Variants in ZBTB4 observed in about 807,000 individuals in gnomAD.
The protein encoded by ZBTB4 is zinc finger and BTB domain-containing protein 4.
Under a neutral mutation model 59.8 loss-of-function variants are expected in ZBTB4, and 14 were observed. The ratio of observed to expected loss-of-function variants is 0.23; its 90% CI spans 0.15 to 0.37. The LOEUF (loss-of-function observed/expected upper bound fraction) is 0.37. Among genes scored for constraint, ZBTB4 ranks in the 10% least tolerant of loss-of-function variants. The pLI is 1.00. For missense variants in ZBTB4, 1,198 were observed against 1,380.8 expected, an observed-to-expected ratio of 0.87 and a Z score of 2.10; for synonymous variants, 587 against 575.2, an observed-to-expected ratio of 1.02 and a Z score of -0.29.
chr17:7,473,258 A>G (rs367646734), intron 1 of ZBTB4, among the ~76,000 whole-genome samples: 17 of 151,386 alleles, frequency 1.1e-4, no homozygotes, highest in African/African-American at 3.9e-4. Context: ...GACTACAGGC[A>G]CCCACCACCA....
intron 1 of ZBTB4, among the ~76,000 whole-genome samples, chr17:7,473,073 A>C (rs867443961): frequency 2.9e-4 from 40 of 139,532 alleles, no homozygotes; most frequent in African/African-American, 1.0e-3. Context: ...TCCTGCCTCA[A>C]CCTCACGAGT....
chr17:7,468,182 C>A (rs747534056), intron 1 of ZBTB4, among the ~76,000 whole-genome samples: 2 of 152,190 alleles, frequency 1.3e-5, no homozygotes, highest in African/African-American at 2.4e-5. Context: ...ACCAGCCTGA[C>A]CAACATGGTG....
upstream of ZBTB4, chr17:7,482,423 C>T: frequency 6.2e-7 from 1 of 1,614,034 alleles, no homozygotes. Context: ...CGTCCTCACC[C>T]TCTGCCTTGA....
At chr17:7,467,227 C>T (rs1036700971) in intron 2 of ZBTB4, 30 bp downstream of exon 2, 7 of 1,009,450 alleles carry the variant, frequency 6.9e-6, no homozygotes, top group Non-Finnish European at 8.3e-6. Flanking sequence ...CTACTTTGTC[C>T]TCACTGTAGG....
At position 7,466,258 on chromosome 17, in the gene ZBTB4, C is replaced by T. The variant is rs371989635; in HGVS notation, c.544G>A (p.Gly182Ser). 17 of 1,613,074 alleles carry T rather than the reference C, an allele frequency of 1.1e-5. No homozygotes were observed. In the African/African-American group the frequency reaches 2.1e-4, roughly 20 times the overall value. Residue 182 changes from glycine to serine, a missense_variant, in exon 3 of 4, where the codon GGT becomes AGT. By Grantham distance (56) the Gly-to-Ser change is moderately conservative. Transcript: ENST00000380599. The surrounding 1 kb of genome is among the most constrained non-coding windows in gnomAD (Gnocchi z 9.1). ...GGGGTAGGAGGTACCCAGGCATCACCTCCCTCCCCCAGGCCCTGAAGGCGG... is the reference window on the plus strand; with the variant it reads ...GGGGTAGGAGGTACCCAGGCATCACTTCCCTCCCCCAGGCCCTGAAGGCGG... ...ISRLQGLGEGGDAWVPPTPAP... is the reference protein window; with the variant it reads ...ISRLQGLGEGSDAWVPPTPAP...
chr17:7,475,267 G>C (rs1166533875), intron 1 of ZBTB4, among the ~76,000 whole-genome samples: 1 of 151,762 alleles, frequency 6.6e-6, no homozygotes, highest in Non-Finnish European at 1.5e-5. Flanking sequence ...CCTGAACCCG[G>C]AAGGCGGAGG....
chr17:7,483,533 T>C (rs2070374823), upstream of ZBTB4: 1 of 185,534 alleles, frequency 5.4e-6, no homozygotes, highest in Admixed American at 5.4e-5. Context: ...GGAGGGAGAG[T>C]GGAAAGTCCT....
chr17:7,482,096 A>C, upstream of ZBTB4: 1 of 1,614,116 alleles, frequency 6.2e-7, no homozygotes, highest in African/African-American at 1.3e-5. Context: ...TGATGCCACC[A>C]ATGGCCTGCT....
rs764117868 is a variant in ZBTB4, at chr17:7,462,872, G to T, written c.2110C>A (p.Arg704=). The change falls in exon 4 of 4, where the codon CGG becomes AGG. Residue 704 remains arginine (R), a synonymous_variant. Coordinates refer to ENST00000380599, the MANE Select transcript of ZBTB4 (RefSeq NM_001128833.2). This position sits in a 1 kb window ranked among gnomAD's most constrained non-coding sequence, Gnocchi z 7.5. ...GCTGGGGTTTCCTCCCAGCTCCTCC[G>T]TTCCAGCTTCTGCCTCCAACGTGGT... ...RPPRWRQKLE[R]RSWEETPAAE... The T allele has an allele frequency of 1.2e-6, 2 of 1,606,514 alleles. No homozygotes were observed. The highest frequency in any genetic ancestry group is 4.5e-5 in the East Asian group (2 of 44,878).
At position 7,463,026 on chromosome 17, in the gene ZBTB4, CTCA is replaced by C. The variant is rs753552629; in HGVS notation, c.1953_1955del (p.Asp651del). 365 of 1,604,128 alleles carry C rather than the reference CTCA, an allele frequency of 2.3e-4. 3 individuals carry two copies. The highest frequency in any genetic ancestry group is 1.9e-3 in the Admixed American group (107 of 57,328). On this transcript the variant is annotated inframe_deletion, in exon 4 of 4. Transcript: ENST00000380599. ...CCTCCCCACCAGCCTTTGATTCCTC[CTCA>C]TCCTCCTCCTCCTCCTCTTCGTCCT... is the stretch of plus-strand genomic sequence containing the variant.
At chr17:7,476,045 T>A (rs1189301326) in intron 1 of ZBTB4, among the ~76,000 whole-genome samples, 1 of 152,242 alleles carries the variant, frequency 6.6e-6, no homozygotes, top group Non-Finnish European at 1.5e-5. Flanking sequence ...GCCGCCGAGC[T>A]TGGGAATGGC....
At chr17:7,481,980 C>T (rs2070350180), upstream of ZBTB4, 1 of 1,580,858 alleles carries the variant, frequency 6.3e-7, no homozygotes, top group African/African-American at 1.4e-5. Flanking sequence ...CTCCTTTCTC[C>T]CTAACAGGCT....
Position 7,466,517 on chromosome 17 carries a change from G to A in ZBTB4, c.285C>T (p.Ser95=), listed in dbSNP as rs1462909831. Residue 95 remains serine, a synonymous_variant, in exon 3 of 4, where the codon TCC becomes TCT. Transcript: ENST00000380599. This position sits in a 1 kb window ranked among gnomAD's most constrained non-coding sequence, Gnocchi z 9.1. ...SSSSSSSSSS[S]SSSSSASSSS... is the part of the protein sequence containing the mutation. ...AAGAAGAAGCAGAGGAGGAAGAAGA[G>A]GAAGAAGACGAGGAAGAGGAGGAGG... The A allele has an allele frequency of 6.2e-7, 1 of 1,610,702 alleles. No individual in the cohort carries two copies. The highest frequency in any genetic ancestry group is 8.5e-7 in the Non-Finnish European group (1 of 1,178,630).
In ZBTB4 at chr17:7,459,431, C is replaced by T. The variant is rs753161493; in HGVS notation, c.*2509G>A. 5.2e-5 allele frequency: 8 copies of T among 152,590 alleles called. No homozygotes were observed. In the East Asian group the frequency reaches 7.7e-4, roughly 15 times the overall value. The allele number at this position is 152,590 out of a possible 1,614,324, so 9.5% of individuals were successfully genotyped here. A position where few individuals can be genotyped will look rare whatever the true frequency, so the allele number is the denominator to read the frequency against. On this transcript the variant is annotated 3_prime_UTR_variant, in exon 4 of 4. Coordinates refer to ENST00000380599, the MANE Select transcript of ZBTB4 (RefSeq NM_001128833.2). Reference sequence around the variant, plus strand: ...ACAGAGTTGGACACACACACAAATGCGGAGATAAATATTGGTCAGTTTCTC... The same window carrying T: ...ACAGAGTTGGACACACACACAAATGTGGAGATAAATATTGGTCAGTTTCTC...
chr17:7,469,253 G>A (rs1326635672), intron 1 of ZBTB4, among the ~76,000 whole-genome samples: 1 of 152,226 alleles, frequency 6.6e-6, no homozygotes, highest in South Asian at 2.1e-4. Context: ...TGCAACCCCC[G>A]CCTCCTAGGT....
At position 7,462,409 on chromosome 17, in the gene ZBTB4, G is replaced by A. The variant is rs147974306; in HGVS notation, c.2573C>T (p.Pro858Leu). ...QDPIISGGEE[P>L]PVVASGGSYV... is the part of the protein sequence containing the mutation. ...GCTGCCCCCGCTTGCCACTACTGGGGGCTCCTCACCCCCTGAAATGATAGG... is the reference window on the plus strand; with the variant it reads ...GCTGCCCCCGCTTGCCACTACTGGGAGCTCCTCACCCCCTGAAATGATAGG... The change falls in exon 4 of 4, where the codon CCC becomes CTC. Residue 858 changes from proline (P) to leucine (L), a missense_variant. Coordinates refer to ENST00000380599, the MANE Select transcript of ZBTB4 (RefSeq NM_001128833.2). This position sits in a 1 kb window ranked among gnomAD's most constrained non-coding sequence, Gnocchi z 7.5. 11 of 1,613,918 alleles carry A rather than the reference G, an allele frequency of 6.8e-6. No homozygotes were observed. Among genetic ancestry groups the A allele is most frequent in the Non-Finnish European group, 9.3e-6 (11 of 1,179,998 alleles).
chr17:7,474,464 C>T (rs549780296), intron 1 of ZBTB4, among the ~76,000 whole-genome samples: 8 of 152,230 alleles, frequency 5.3e-5, no homozygotes, highest in South Asian at 4.2e-4. Flanking sequence ...AGCAATTCAC[C>T]GCCTTGGACA....
upstream of ZBTB4, chr17:7,484,098 G>A (rs1188053174): frequency 6.6e-6 from 1 of 152,256 alleles, no homozygotes; most frequent in African/African-American, 2.4e-5. Flanking sequence ...GAATGAAAGC[G>A]GCCCAATTTT....
rs760540715 is a variant in ZBTB4, at chr17:7,462,280, G to GCCC, written c.2699_2701dup (p.Gly900dup). 1.2e-6 allele frequency: 2 copies of GCCC among 1,613,600 alleles called. No homozygotes were observed. The highest frequency in any genetic ancestry group is 2.7e-5 in the African/African-American group (2 of 74,860). On this transcript the variant is annotated inframe_insertion, in exon 4 of 4. Coordinates refer to ENST00000380599, the MANE Select transcript of ZBTB4 (RefSeq NM_001128833.2). The surrounding 1 kb of genome is among the most constrained non-coding windows in gnomAD (Gnocchi z 7.5). ...CCCCTCCATCCGGTCCCCCTCACCAGCCCCCACTGGCCCTTCACTCCCAGA... is the reference window on the plus strand; with the variant it reads ...CCCCTCCATCCGGTCCCCCTCACCAGCCCCCCCCACTGGCCCTTCACTCCCAGA...
Sources: allele counts gnomAD v4.1 joint callset (sites outside exome capture counted in the v4.1 genomes callset), GRCh38; gene constraint gnomAD v4.1.1; non-coding constraint Gnocchi (gnomAD v3.1); transcripts MANE v1.5; gene names NCBI Gene and HGNC (gene_info 2026-07-23, HGNC 2026-07-21).